Variants in EPHA7 observed in about 807,000 individuals in gnomAD.
The protein encoded by EPHA7 is ephrin type-A receptor 7.
EPHA7 carries 25 observed loss-of-function variants against 112.6 expected under a neutral mutation model. The ratio of observed to expected loss-of-function variants is 0.22; its 90% CI spans 0.16 to 0.31. The LOEUF is 0.31. Among genes scored for constraint, EPHA7 ranks in the 10% least tolerant of loss-of-function variants. The pLI is 1.00. For missense variants in EPHA7, 962 were observed against 1,212.6 expected, an observed-to-expected ratio of 0.79 and a Z score of 3.07; for synonymous variants, 437 against 406.5, an observed-to-expected ratio of 1.07 and a Z score of -0.90.
intron 9 of EPHA7, among the ~76,000 whole-genome samples, chr6:93,262,108 A>G (rs569631501): frequency 1.3e-5 from 2 of 151,552 alleles, no homozygotes; most frequent in African/African-American, 2.4e-5. Flanking sequence ...CAGGAACTAC[A>G]GTCTTATATT....
chr6:93,334,213 C>G (rs1166702958), intron 5 of EPHA7, among the ~76,000 whole-genome samples: 1 of 151,950 alleles, frequency 6.6e-6, no homozygotes, highest in Non-Finnish European at 1.5e-5. Flanking sequence ...AGGACTGAAG[C>G]TGGACCCCCT....
intron 7 of EPHA7, among the ~76,000 whole-genome samples, chr6:93,266,369 G>C (rs1397708033): frequency 6.6e-6 from 1 of 151,594 alleles, no homozygotes; most frequent in Non-Finnish European, 1.5e-5. Context: ...CTTAGCTTCA[G>C]AAAGAGAACT....
intron 5 of EPHA7, among the ~76,000 whole-genome samples, chr6:93,280,434 C>A (rs562859377): frequency 6.6e-6 from 1 of 152,266 alleles, no homozygotes; most frequent in East Asian, 1.9e-4. Context: ...CCACCAATAA[C>A]CAACAACTCC....
intron 3 of EPHA7, among the ~76,000 whole-genome samples, chr6:93,387,955 ATAG>A (rs1777705399): frequency 6.6e-6 from 1 of 152,008 alleles, no homozygotes; most frequent in Non-Finnish European, 1.5e-5. Flanking sequence ...AGATAGATAG[ATAG>A]ATAGATAGAT....
At chr6:93,391,160 A>T (rs1375150905) in intron 3 of EPHA7, among the ~76,000 whole-genome samples, 1 of 151,972 alleles carries the variant, frequency 6.6e-6, no homozygotes, top group Non-Finnish European at 1.5e-5. Context: ...GTGTACTCTG[A>T]AAAGTACAAT....
chr6:93,291,907 C>T (rs1772401731), intron 5 of EPHA7, among the ~76,000 whole-genome samples: 1 of 151,728 alleles, frequency 6.6e-6, no homozygotes, highest in Non-Finnish European at 1.5e-5. Flanking sequence ...TGCAAAAGAA[C>T]TTTAGCCACA....
In EPHA7 at chr6:93,243,125, T is replaced by A. The variant is rs1025543934; in HGVS notation, c.*301A>T. The A allele has an allele frequency of 3.7e-6, 1 of 266,744 alleles. No homozygotes were observed. The highest frequency in any genetic ancestry group is 2.2e-5 in the African/African-American group (1 of 46,284). The allele number at this position is 266,744 out of a possible 1,614,324, so 16.5% of individuals were successfully genotyped here. ...TTTCTTAAATTCTTTATGTACATTT[T>A]AAAAAGTCTATAAGACAAAAAGGAG... On this transcript the variant is annotated 3_prime_UTR_variant, in exon 17 of 17. Coordinates refer to ENST00000369303, the MANE Select transcript of EPHA7 (RefSeq NM_004440.4).
At chr6:93,332,866 T>C (rs1774666989) in intron 5 of EPHA7, among the ~76,000 whole-genome samples, 1 of 151,764 alleles carries the variant, frequency 6.6e-6, no homozygotes, top group African/African-American at 2.4e-5. Context: ...ATATTTATTT[T>C]TATGTTAAAT....
chr6:93,254,408 C>A (rs898512883), intron 14 of EPHA7, among the ~76,000 whole-genome samples: 1 of 152,048 alleles, frequency 6.6e-6, no homozygotes, highest in African/African-American at 2.4e-5. Flanking sequence ...TAGTAAGCTT[C>A]TATTTTGTGT....
chr6:93,365,697 T>C (rs1413674712), intron 3 of EPHA7, among the ~76,000 whole-genome samples: 3 of 152,170 alleles, frequency 2.0e-5, no homozygotes, highest in Admixed American at 6.5e-5. Context: ...ATGAGTACAT[T>C]ATGGTTTGTG....
chr6:93,419,216 G>A (rs1306618181), intron 1 of EPHA7, 29 bp downstream of exon 1: 1 of 1,586,904 alleles, frequency 6.3e-7, no homozygotes, highest in East Asian at 2.3e-5. Flanking sequence ...AAATAAGTCA[G>A]AACAAACTTT....
intron 5 of EPHA7, among the ~76,000 whole-genome samples, chr6:93,353,211 G>A (rs1040279810): frequency 2.6e-5 from 4 of 151,872 alleles, no homozygotes; most frequent in African/African-American, 7.3e-5. Flanking sequence ...AAATATCTCC[G>A]TTGTACGTAA....
At chr6:93,346,238 G>A (rs547973106) in intron 5 of EPHA7, among the ~76,000 whole-genome samples, 4 of 151,828 alleles carry the variant, frequency 2.6e-5, no homozygotes, top group African/African-American at 9.6e-5. Flanking sequence ...CATGAATAAT[G>A]TATGAAATTA....
At chr6:93,371,645 T>C (rs979935887) in intron 3 of EPHA7, among the ~76,000 whole-genome samples, 4 of 152,204 alleles carry the variant, frequency 2.6e-5, no homozygotes, top group African/African-American at 7.2e-5. Context: ...AAAGTAAATG[T>C]ATACATTTCC....
intron 5 of EPHA7, among the ~76,000 whole-genome samples, chr6:93,345,788 T>G (rs1156890156): frequency 7.9e-5 from 12 of 151,724 alleles, no homozygotes. Context: ...TGTTAATGAT[T>G]CTTGTGGATC....
chr6:93,269,855 T>C (rs999305383), intron 6 of EPHA7, among the ~76,000 whole-genome samples, 195 bp from the exon 7 acceptor site: 1 of 151,802 alleles, frequency 6.6e-6, no homozygotes, highest in Non-Finnish European at 1.5e-5. Context: ...TTGTTATATA[T>C]ATTTAGGGCG....
chr6:93,287,052 C>G (rs1476153399), intron 5 of EPHA7, among the ~76,000 whole-genome samples: 3 of 152,162 alleles, frequency 2.0e-5, no homozygotes, highest in Non-Finnish European at 4.4e-5. Context: ...AAGGAATACT[C>G]CACCATGCAT....
chr6:93,313,702 G>T (rs756196265), intron 5 of EPHA7, among the ~76,000 whole-genome samples: 13 of 151,006 alleles, frequency 8.6e-5, no homozygotes, highest in Non-Finnish European at 1.6e-4. Context: ...ATAAAAATAA[G>T]TAAGTATTAA....
At chr6:93,334,354 TGAA>T (rs1554182942) in intron 5 of EPHA7, among the ~76,000 whole-genome samples, 2 of 151,826 alleles carry the variant, frequency 1.3e-5, no homozygotes, top group Non-Finnish European at 2.9e-5. Flanking sequence ...GATTTCATGA[TGAA>T]GATGCCAAAA....
Sources: gnomAD v4.1 joint callset for allele counts (sites outside exome capture counted in the v4.1 genomes callset) on GRCh38, gnomAD v4.1.1 for gene constraint, MANE v1.5 for transcripts, NCBI Gene and HGNC (gene_info 2026-07-23, HGNC 2026-07-21) for gene names.